ELAPOR1: variants seen among roughly 807,000 people sequenced by gnomAD.
The protein encoded by ELAPOR1 is endosome-lysosome associated apoptosis and autophagy regulator 1.
In ELAPOR1, 77 loss-of-function variants were observed where a neutral mutation model predicts 119.7. The ratio of observed to expected loss-of-function variants is 0.64; its 90% CI spans 0.54 to 0.78. The LOEUF (loss-of-function observed/expected upper bound fraction) is 0.78. ELAPOR1 is among the 30% of genes least tolerant of loss of function. The pLI is 0.00. For synonymous variants in ELAPOR1, 481 were observed against 487.2 expected (o/e 0.99, Z 0.17); for missense variants, 1,115 against 1,270.4 (o/e 0.88, Z 1.86).
chr1:109,194,505 A>G lies in ELAPOR1; in HGVS notation c.2032A>G (p.Asn678Asp), dbSNP rs1370842899. 1 of 1,613,822 alleles carries G rather than the reference A, an allele frequency of 6.2e-7. No homozygotes were observed. Among genetic ancestry groups the G allele is most frequent in the Non-Finnish European group, 8.5e-7 (1 of 1,179,790 alleles). Reference sequence around the variant, plus strand: ...CAACTACAACTTCTCCGCTTTGGCAAACACTGTCACTCTTGCTGGAGGGCC... The same window carrying G: ...CAACTACAACTTCTCCGCTTTGGCAGACACTGTCACTCTTGCTGGAGGGCC... Reference protein sequence around the residue: ...TFNYNFSALANTVTLAGGPSF... With the variant: ...TFNYNFSALADTVTLAGGPSF... Residue 678 changes from asparagine to aspartate, a missense_variant, in exon 15 of 22, where the codon AAC becomes GAC. Physicochemically the swap from Asn to Asp is conservative, Grantham distance 23 (BLOSUM62 1). Transcript: ENST00000369939.
At chr1:109,163,766 A>C (rs1050002347) in intron 2 of ELAPOR1, among the ~76,000 whole-genome samples, 1 of 152,172 alleles carries the variant, frequency 6.6e-6, no homozygotes, top group African/African-American at 2.4e-5. Context: ...ACTAGTTAGG[A>C]GGATATTGCA....
rs561062698 is a variant in ELAPOR1 at position 109,188,421 on chromosome 1, C to A, written c.1219+67C>A. ...TGTGGGTGGGCTGTGTGGGCACTAA[C>A]AGTGGCCAGCTGAATGCAGACTCTG... On this transcript the variant is annotated intron_variant, in intron 9 of 21. Transcript: ENST00000369939. 39 of 1,501,802 alleles carry A rather than the reference C, an allele frequency of 2.6e-5. No homozygotes were observed. In the African/African-American group the frequency reaches 5.0e-4, roughly 19 times the overall value. 93.0% of individuals were successfully genotyped at this position (1,501,802 alleles called of 1,614,324 possible). A position where few individuals can be genotyped will look rare whatever the true frequency, so the allele number is the denominator to read the frequency against.
At chr1:109,183,354 AAAAGAG>A (rs1320866289) in intron 7 of ELAPOR1, among the ~76,000 whole-genome samples, 2 of 8,926 alleles carry the variant, frequency 2.2e-4, no homozygotes, top group Admixed American at 1.6e-3. Flanking sequence ...AAAAACAAAA[AAAAGAG>A]AGAGAGAGAG....
intron 3 of ELAPOR1, among the ~76,000 whole-genome samples, chr1:109,166,710 T>C (rs1312475317): frequency 6.6e-6 from 1 of 152,118 alleles, no homozygotes; most frequent in East Asian, 1.9e-4. Flanking sequence ...CACATTCAAA[T>C]AACATTTATT....
chr1:109,141,448 AGACAGG>A (rs886436956), intron 1 of ELAPOR1, among the ~76,000 whole-genome samples: 3 of 151,324 alleles, frequency 2.0e-5, no homozygotes, highest in African/African-American at 7.3e-5. Flanking sequence ...TTTTTAGTAG[AGACAGG>A]GTTTCACCGT....
At chr1:109,117,969 A>T (rs1331927364) in intron 1 of ELAPOR1, among the ~76,000 whole-genome samples, 2 of 152,110 alleles carry the variant, frequency 1.3e-5, no homozygotes, top group Non-Finnish European at 2.9e-5. Context: ...CTCTACTAAA[A>T]ATACAAAATT....
At chr1:109,155,323 C>A (rs943753945) in intron 1 of ELAPOR1, among the ~76,000 whole-genome samples, 8 of 152,068 alleles carry the variant, frequency 5.3e-5, no homozygotes, top group African/African-American at 9.7e-5. Flanking sequence ...CTACAGGCAC[C>A]CACCATCACG....
Position 109,203,628 on chromosome 1 carries a change from G to C in ELAPOR1, c.*616G>C, listed in dbSNP as rs1328685388. The stretch of plus-strand genomic sequence containing the variant: ...GCGGTGGCTCACGCCTGTAATCCCA[G>C]CACTTTGGGAGGCCGAGGCGGGCAG... On this transcript the variant is annotated 3_prime_UTR_variant, in exon 22 of 22. Coordinates refer to ENST00000369939, the MANE Select transcript of ELAPOR1 (RefSeq NM_020775.5). The C allele has an allele frequency of 1.3e-5, 2 of 152,414 alleles. No individual in the cohort carries two copies. Among genetic ancestry groups the C allele is most frequent in the Non-Finnish European group, 2.9e-5 (2 of 68,264 alleles). The allele number at this position is 152,414 out of a possible 1,614,324, so 9.4% of individuals were successfully genotyped here.
rs1249967085 is a variant in ELAPOR1, at chr1:109,205,818, T to TGTCA, written c.*2808_*2811dup. 2.0e-5 allele frequency: 3 copies of TGTCA among 152,224 alleles called. No individual in the cohort carries two copies. The highest frequency in any genetic ancestry group is 7.2e-5 in the African/African-American group (3 of 41,454). The allele number at this position is 152,224 out of a possible 1,614,324, so 9.4% of individuals were successfully genotyped here. On this transcript the variant is annotated 3_prime_UTR_variant, in exon 22 of 22. Coordinates refer to ENST00000369939, the MANE Select transcript of ELAPOR1 (RefSeq NM_020775.5). ...ACTTCTGCAGGTCTGCCCTGTGACC[T>TGTCA]GTCAGGAACTCCTGAGTTACGCTAC...
chr1:109,153,689 G>C (rs1053722200), intron 1 of ELAPOR1, among the ~76,000 whole-genome samples: 4 of 152,014 alleles, frequency 2.6e-5, no homozygotes, highest in African/African-American at 9.7e-5. Context: ...GCCCAGGCTG[G>C]AGTGCAATGG....
At chr1:109,128,665 A>G (rs951201748) in intron 1 of ELAPOR1, among the ~76,000 whole-genome samples, 3 of 152,198 alleles carry the variant, frequency 2.0e-5, no homozygotes, top group African/African-American at 7.2e-5. Context: ...AACCTGTGCC[A>G]TTGGGTTAAA....
intron 1 of ELAPOR1, among the ~76,000 whole-genome samples, chr1:109,135,939 G>A (rs1012060501): frequency 2.0e-5 from 3 of 152,166 alleles, no homozygotes; most frequent in African/African-American, 7.2e-5. Context: ...CATGAGGGAT[G>A]CCCAATAAAC....
At chr1:109,179,760 G>T (rs1652583563) in intron 7 of ELAPOR1, among the ~76,000 whole-genome samples, 1 of 151,932 alleles carries the variant, frequency 6.6e-6, no homozygotes, top group Admixed American at 6.6e-5. Flanking sequence ...ACAAAAATTA[G>T]CTGGGTGTGG....
intron 3 of ELAPOR1, among the ~76,000 whole-genome samples, chr1:109,168,078 T>A (rs1361450674): frequency 6.6e-6 from 1 of 152,134 alleles, no homozygotes; most frequent in Non-Finnish European, 1.5e-5. Context: ...TCCTTCTGTC[T>A]TCACTTGCTG....
chr1:109,142,611 T>A (rs948051433), intron 1 of ELAPOR1, among the ~76,000 whole-genome samples: 3 of 152,190 alleles, frequency 2.0e-5, no homozygotes, highest in African/African-American at 7.2e-5. Flanking sequence ...GTAAAGGACA[T>A]ACTTCAAAGG....
At chr1:109,165,358 G>A (rs935014669) in intron 3 of ELAPOR1, among the ~76,000 whole-genome samples, 2 of 152,036 alleles carry the variant, frequency 1.3e-5, no homozygotes, top group Non-Finnish European at 2.9e-5. Context: ...AGGCCGAGGC[G>A]GGTGGATCAC....
intron 1 of ELAPOR1, among the ~76,000 whole-genome samples, chr1:109,132,995 C>G (rs974251487): frequency 1.3e-5 from 2 of 151,962 alleles, no homozygotes; most frequent in African/African-American, 4.8e-5. Flanking sequence ...TTTGTGAGGC[C>G]GAGGCAGGAG....
At chr1:109,192,976 T>A in intron 14 of ELAPOR1, 102 bp downstream of exon 14, 1 of 1,327,080 alleles carries the variant, frequency 7.5e-7, no homozygotes, top group South Asian at 1.4e-5. Context: ...GATACCCGAG[T>A]GCTCCCCCTA....
At chr1:109,115,793 AC>A (rs1441323046) in intron 1 of ELAPOR1, among the ~76,000 whole-genome samples, 3 of 152,170 alleles carry the variant, frequency 2.0e-5, no homozygotes. Context: ...ACTTTTGATA[AC>A]CTTTATTAGC....
Sources: allele counts gnomAD v4.1 joint callset (sites outside exome capture counted in the v4.1 genomes callset), GRCh38; gene constraint gnomAD v4.1.1; transcripts MANE v1.5; gene names NCBI Gene and HGNC (gene_info 2026-07-23, HGNC 2026-07-21).